Variants in USP40 observed in about 807,000 individuals in gnomAD.
USP40 encodes ubiquitin specific peptidase 40, also known as ubiquitin carboxyl-terminal hydrolase 40.
In USP40, 143 loss-of-function variants were observed where a neutral mutation model predicts 166.2. The observed-to-expected ratio is 0.86, with a 90% confidence interval of 0.75 to 0.99. USP40 has a LOEUF of 0.99. Ranked by LOEUF, USP40 falls within the 50% of genes least tolerant of loss-of-function variation. The pLI is 0.00. For synonymous variants in USP40, 498 were observed against 524.0 expected (o/e 0.95, Z 0.68); for missense variants, 1,444 against 1,479.7 (o/e 0.98, Z 0.40).
At chr2:233,533,840 T>TA in intron 10 of USP40, 61 bp from the exon 11 acceptor site, 1 of 1,418,210 alleles carries the variant, frequency 7.1e-7, no homozygotes, top group Non-Finnish European at 9.3e-7. Flanking sequence ...TAGATGTGAT[T>TA]AAAAAATGTT....
At chr2:233,541,999 C>G (rs1458503681) in intron 9 of USP40, among the ~76,000 whole-genome samples, 1 of 152,156 alleles carries the variant, frequency 6.6e-6, no homozygotes, top group African/African-American at 2.4e-5. Context: ...CTGTCAGTAT[C>G]TGGCCTACTT....
chr2:233,553,824 A>G (rs558660323), intron 6 of USP40, among the ~76,000 whole-genome samples: 1 of 105,888 alleles, frequency 9.4e-6, no homozygotes, highest in South Asian at 4.0e-4. Flanking sequence ...AAAAGATATC[A>G]GTTGCTTCAG....
In USP40 at chr2:233,549,091, C is replaced by T. The variant is rs1292644350; in HGVS notation, c.966+10G>A. 1 of 1,586,050 alleles carries T rather than the reference C, an allele frequency of 6.3e-7. No individual in the cohort carries two copies. Among genetic ancestry groups the T allele is most frequent in the African/African-American group, 1.4e-5 (1 of 73,680 alleles). On this transcript the variant is annotated intron_variant, in intron 8 of 31. Coordinates refer to ENST00000678225, the MANE Select transcript of USP40 (RefSeq NM_001365479.2). ...TGCAAAGATATTTCTAAACGAATTT[C>T]TATACGTACTTGAAACTGCCAGTTT... is the stretch of plus-strand genomic sequence containing the variant.
At position 233,529,530 on chromosome 2, in the gene USP40, C is replaced by T. The variant is rs2068322924; in HGVS notation, c.1472-18G>A. 1.3e-6 allele frequency: 2 copies of T among 1,557,962 alleles called. No individual in the cohort carries two copies. The highest frequency in any genetic ancestry group is 2.7e-5 in the African/African-American group (2 of 73,880). On this transcript the variant is annotated intron_variant, in intron 11 of 31. Coordinates refer to ENST00000678225, the MANE Select transcript of USP40 (RefSeq NM_001365479.2). Reference sequence around the variant, plus strand: ...AGCTCGAGCTGTGAACAAAATTTTTCATTAACTTGTGTTGGCTAAATGAAA... The same window carrying T: ...AGCTCGAGCTGTGAACAAAATTTTTTATTAACTTGTGTTGGCTAAATGAAA...
At chr2:233,488,182 G>A in intron 28 of USP40, 57 bp downstream of exon 28, 3 of 1,472,556 alleles carry the variant, frequency 2.0e-6, no homozygotes, top group Non-Finnish European at 2.8e-6. Context: ...AGCTTCAAAA[G>A]GCAAACGAGG....
chr2:233,486,051 G>A lies in USP40; in HGVS notation c.3198-74C>T. On this transcript the variant is annotated intron_variant, in intron 28 of 31. Transcript: ENST00000678225. This position sits in a 1 kb window ranked among gnomAD's most constrained non-coding sequence, Gnocchi z 4.0. Reference sequence around the variant, plus strand: ...CACGTGGTAACTTGAGGCATAATGGGCAAAGCTTCTCCTCCAGCTTTTCTG... The same window carrying A: ...CACGTGGTAACTTGAGGCATAATGGACAAAGCTTCTCCTCCAGCTTTTCTG... 2 of 1,448,694 alleles carry A rather than the reference G, an allele frequency of 1.4e-6. No individual in the cohort carries two copies. Among genetic ancestry groups the A allele is most frequent in the Middle Eastern group, 2.4e-4 (1 of 4,166 alleles). 89.7% of individuals were successfully genotyped at this position (1,448,694 alleles called of 1,614,324 possible). A position where few individuals can be genotyped will look rare whatever the true frequency, so the allele number is the denominator to read the frequency against.
intron 5 of USP40, 122 bp from the exon 6 acceptor site, chr2:233,554,648 G>A: frequency 1.4e-6 from 1 of 691,160 alleles, no homozygotes; most frequent in Non-Finnish European, 2.1e-6. Flanking sequence ...AAATAAAGAT[G>A]TAGATCTCCT....
chr2:233,539,404 T>TCC (rs2069193797), intron 10 of USP40, among the ~76,000 whole-genome samples: 2 of 152,120 alleles, frequency 1.3e-5, no homozygotes. Context: ...TGAACTCATA[T>TCC]AGAGTATGTT....
chr2:233,562,971 C>A (rs1240026302), intron 2 of USP40, among the ~76,000 whole-genome samples, 168 bp from the exon 3 acceptor site: 2 of 152,130 alleles, frequency 1.3e-5, no homozygotes, highest in African/African-American at 4.8e-5. Context: ...ACATTTTTAA[C>A]CAGTGACTCT....
At chr2:233,515,414 C>A (rs1042946390) in intron 18 of USP40, among the ~76,000 whole-genome samples, 1 of 152,166 alleles carries the variant, frequency 6.6e-6, no homozygotes, top group Non-Finnish European at 1.5e-5. Context: ...TTTATTTACT[C>A]CACTGGGTGC....
At position 233,559,897 on chromosome 2, in the gene USP40, G is replaced by A. The variant is rs751243080; in HGVS notation, c.295C>T (p.Arg99Cys). 2.7e-5 allele frequency: 44 copies of A among 1,608,138 alleles called. 1 individual carries two copies. Among genetic ancestry groups the A allele is most frequent in the South Asian group, 2.7e-4 (24 of 89,424 alleles). ...AAGAGCAGAAGCTGAGCAAACAAGC[G>A]CTGTAACTGTAAAGGGATGATTCGA... ...KVRIIPLQLQRLFAQLLLLDQ... is the reference protein window; with the variant it reads ...KVRIIPLQLQCLFAQLLLLDQ... Residue 99 changes from arginine (R) to cysteine (C), a missense_variant, in exon 4 of 32, where the codon CGC becomes TGC. Coordinates refer to ENST00000678225, the MANE Select transcript of USP40 (RefSeq NM_001365479.2).
At chr2:233,498,660 G>A in intron 22 of USP40, 48 bp from the exon 23 acceptor site, 1 of 1,493,998 alleles carries the variant, frequency 6.7e-7, no homozygotes, top group Non-Finnish European at 9.3e-7. Context: ...AGTTAGGTGA[G>A]ACGTTGCGTG....
chr2:233,544,516 C>T (rs1197937898), intron 8 of USP40, among the ~76,000 whole-genome samples: 1 of 152,178 alleles, frequency 6.6e-6, no homozygotes, highest in Non-Finnish European at 1.5e-5. Context: ...AATAATGGGA[C>T]TGGCTTCTCT....
At chr2:233,507,215 CT>C (rs2066486277) in intron 21 of USP40, among the ~76,000 whole-genome samples, 1 of 152,176 alleles carries the variant, frequency 6.6e-6, no homozygotes, top group South Asian at 2.1e-4. Flanking sequence ...CATTTATGCA[CT>C]GTCGGTGAGA....
At position 233,521,036 on chromosome 2, in the gene USP40, T is replaced by C. The variant is rs781443847; in HGVS notation, c.2280A>G (p.Leu760=). Reference sequence around the variant, plus strand: ...TTTTAACTTGCTTCTCTTCAGATTCTAACTGGCATAAATTTTTAACGTGGA... The same window carrying C: ...TTTTAACTTGCTTCTCTTCAGATTCCAACTGGCATAAATTTTTAACGTGGA... ...DWLHVKNLCQ[L]ESEEKQVKIS... is the part of the protein sequence containing the mutation. Residue 760 remains leucine (L), a synonymous_variant, in exon 17 of 32, where the codon TTA becomes TTG. Coordinates refer to ENST00000678225, the MANE Select transcript of USP40 (RefSeq NM_001365479.2). 57 of 1,613,616 alleles carry C rather than the reference T, an allele frequency of 3.5e-5. 1 individual carries two copies. The South Asian group carries it at 5.7e-4, about 16-fold the overall frequency.
Position 233,518,251 on chromosome 2 carries a change from T to TAAAAAAA in USP40, c.2383+1356_2383+1362dup, listed in dbSNP as rs1156279626. 6.0e-5 allele frequency among the ~76,000 whole-genome samples: 3 copies of TAAAAAAA among 49,830 alleles called. No individual in the cohort carries two copies. In the East Asian group the frequency reaches 2.3e-3, roughly 39 times the overall value. The allele number at this position is 49,830 out of a possible 152,430, so 32.7% of individuals were successfully genotyped here. A position where few individuals can be genotyped will look rare whatever the true frequency, so the allele number is the denominator to read the frequency against. ...TCAAAACCAAACCAGTAACAGATTCTAAAAAAAAAAAAAAAAAAAAAAAAA... is the reference window on the plus strand; with the variant it reads ...TCAAAACCAAACCAGTAACAGATTCTAAAAAAAAAAAAAAAAAAAAAAAAAAAAAAAA... On this transcript the variant is annotated intron_variant, in intron 18 of 31. Coordinates refer to ENST00000678225, the MANE Select transcript of USP40 (RefSeq NM_001365479.2).
At chr2:233,499,802 C>A (rs1423082247) in intron 22 of USP40, 77 bp downstream of exon 22, 5 of 1,341,214 alleles carry the variant, frequency 3.7e-6, no homozygotes, top group Non-Finnish European at 4.1e-6. Flanking sequence ...TTTTTTCCTA[C>A]AACCCTGGAG....
chr2:233,522,196 CA>C (rs1306235763), intron 16 of USP40, among the ~76,000 whole-genome samples: 1 of 152,128 alleles, frequency 6.6e-6, no homozygotes, highest in African/African-American at 2.4e-5. Flanking sequence ...TACTTATCTA[CA>C]AAATAATCAT....
chr2:233,509,219 G>T (rs1317613611), intron 21 of USP40, among the ~76,000 whole-genome samples: 3 of 152,146 alleles, frequency 2.0e-5, no homozygotes, highest in African/African-American at 7.2e-5. Context: ...AGCTCATTCA[G>T]ATTTTTCTAT....
Sources: gnomAD v4.1 joint callset for allele counts (sites outside exome capture counted in the v4.1 genomes callset) on GRCh38, gnomAD v4.1.1 for gene constraint, Gnocchi (gnomAD v3.1) non-coding constraint, MANE v1.5 for transcripts, NCBI Gene and HGNC (gene_info 2026-07-23, HGNC 2026-07-21) for gene names.